The following ARPC5 variants were observed in gnomAD, a reference collection of about 807,000 sequenced individuals.
ARPC5 encodes actin related protein 2/3 complex subunit 5, also known as actin-related protein 2/3 complex subunit 5.
Under a neutral mutation model 15.4 loss-of-function variants are expected in ARPC5, and 5 were observed. The observed-to-expected ratio is 0.32, with a 90% CI of 0.17 to 0.68. The LOEUF (loss-of-function observed/expected upper bound fraction) is 0.68. Ranked by LOEUF, ARPC5 falls within the 30% of genes least tolerant of loss-of-function variation. ARPC5 has a pLI of 0.71. For missense variants in ARPC5, 138 were observed against 192.8 expected, an observed-to-expected ratio of 0.72 and a Z score of 1.68; for synonymous variants, 85 against 72.2, an observed-to-expected ratio of 1.18 and a Z score of -0.90.
chr1:183,623,085 T>G lies in ARPC5; in HGVS notation c.*4447A>C, dbSNP rs1322589977. The G allele has an allele frequency of 2.1e-5, 5 of 236,922 alleles. No homozygotes were observed. Among genetic ancestry groups the G allele is most frequent in the African/African-American group, 1.1e-4 (5 of 44,464 alleles). 14.7% of individuals were successfully genotyped at this position (236,922 alleles called of 1,614,324 possible). ...AGCTACTATGACTTCAGGGGGCCCA[T>G]ACAGTCTAGCAGCAAGGTCAAGAGG... On this transcript the variant is annotated 3_prime_UTR_variant, in exon 4 of 4. Coordinates refer to ENST00000359856, the MANE Select transcript of ARPC5 (RefSeq NM_005717.4).
Position 183,624,459 on chromosome 1 carries a change from C to T in ARPC5, c.*3073G>A, listed in dbSNP as rs759614832. On this transcript the variant is annotated 3_prime_UTR_variant, in exon 4 of 4. Coordinates refer to ENST00000359856, the MANE Select transcript of ARPC5 (RefSeq NM_005717.4). ...CCAGGAGGCAGAGCTTGCAGTGAGCCGAGATCGCGCCACTGCACTCCCGCC... is the reference window on the plus strand; with the variant it reads ...CCAGGAGGCAGAGCTTGCAGTGAGCTGAGATCGCGCCACTGCACTCCCGCC... 1 of 151,958 alleles carries T rather than the reference C, an allele frequency of 6.6e-6. No homozygotes were observed. Among genetic ancestry groups the T allele is most frequent in the South Asian group, 2.1e-4 (1 of 4,808 alleles). The allele number at this position is 151,958 out of a possible 1,614,324, so 9.4% of individuals were successfully genotyped here.
chr1:183,627,722 A>T, intron 3 of ARPC5, 128 bp from the exon 4 acceptor site: 1 of 755,434 alleles, frequency 1.3e-6, no homozygotes, highest in Non-Finnish European at 2.3e-6. Context: ...TTAACAAATA[A>T]TAAATTCTTG....
At position 183,627,295 on chromosome 1, in the gene ARPC5, C is replaced by T. The variant is rs959542106; in HGVS notation, c.*237G>A. On this transcript the variant is annotated 3_prime_UTR_variant, in exon 4 of 4. Coordinates refer to ENST00000359856, the MANE Select transcript of ARPC5 (RefSeq NM_005717.4). Reference sequence around the variant, plus strand: ...TATATACAGATTGGTATAAACATCACTGAAATGGTTTTGAAAGGATGAAAC... The same window carrying T: ...TATATACAGATTGGTATAAACATCATTGAAATGGTTTTGAAAGGATGAAAC... 7.3e-6 allele frequency: 4 copies of T among 547,700 alleles called. No individual in the cohort carries two copies. The highest frequency in any genetic ancestry group is 1.3e-5 in the Non-Finnish European group (4 of 299,444). The allele number at this position is 547,700 out of a possible 1,614,324, so 33.9% of individuals were successfully genotyped here. A position where few individuals can be genotyped will look rare whatever the true frequency, so the allele number is the denominator to read the frequency against.
At chr1:183,633,028 T>C in intron 2 of ARPC5, 54 bp downstream of exon 2, 1 of 1,361,100 alleles carries the variant, frequency 7.3e-7, no homozygotes, top group South Asian at 1.3e-5. Flanking sequence ...TGCAGAGGAT[T>C]TTACTAAGAA....
At position 183,627,591 on chromosome 1, in the gene ARPC5, G is replaced by A. The variant is rs1304610756; in HGVS notation, c.397C>T (p.Leu133Phe). The change falls in exon 4 of 4, where the codon CTT becomes TTT. Residue 133 changes from leucine (L) to phenylalanine (F), a missense_variant. Around this residue, in one of 3 missense-constraint regions of ARPC5, gnomAD observed 121 missense variants for 153.7 expected, o/e 0.79. Transcript: ENST00000359856. ...ATGGACCCTACTCCTCCAGCAGCAA[G>A]TGCCTAAAAACAAACCAAGATGTAA... is the stretch of plus-strand genomic sequence containing the variant. ...AMLLQWHEKA[L>F]AAGGVGSIVR... 2 of 1,613,548 alleles carry A rather than the reference G, an allele frequency of 1.2e-6. No homozygotes were observed. Among genetic ancestry groups the A allele is most frequent in the Admixed American group, 3.3e-5 (2 of 60,018 alleles).
At chr1:183,632,985 CA>C in intron 2 of ARPC5, 96 bp downstream of exon 2, 2 of 948,728 alleles carry the variant, frequency 2.1e-6, no homozygotes, top group Non-Finnish European at 3.2e-6. Flanking sequence ...TCAAAGATAG[CA>C]AACAGTTAAA....
chr1:183,633,176 AC>A, intron 1 of ARPC5, 22 bp from the exon 2 acceptor site: 1 of 1,566,928 alleles, frequency 6.4e-7, no homozygotes, highest in Middle Eastern at 1.7e-4. Context: ...TAAGGGTGTA[AC>A]AGCAAAGGAT....
rs543319391 is a variant in ARPC5 at position 183,635,763 on chromosome 1, C to G, written c.-104G>C. ...CGGCGCCTGATTCACTTCCCTCTTCCGCTCTGAGGCGTCGCCGACTGCCGC... is the reference window on the plus strand; with the variant it reads ...CGGCGCCTGATTCACTTCCCTCTTCGGCTCTGAGGCGTCGCCGACTGCCGC... On this transcript the variant is annotated 5_prime_UTR_variant, in exon 1 of 4. Coordinates refer to ENST00000359856, the MANE Select transcript of ARPC5 (RefSeq NM_005717.4). 1.4e-5 allele frequency: 20 copies of G among 1,460,492 alleles called. No homozygotes were observed. Among genetic ancestry groups the G allele is most frequent in the Admixed American group, 2.2e-5 (1 of 45,994 alleles). 90.5% of individuals were successfully genotyped at this position (1,460,492 alleles called of 1,614,324 possible). A position where few individuals can be genotyped will look rare whatever the true frequency, so the allele number is the denominator to read the frequency against.
At position 183,625,394 on chromosome 1, in the gene ARPC5, A is replaced by T. The variant is rs1649067656; in HGVS notation, c.*2138T>A. ...TGATAGACTGGCAGATTCTAAATACACCCACCCATTCTTGTGAACAAATAT... is the reference window on the plus strand; with the variant it reads ...TGATAGACTGGCAGATTCTAAATACTCCCACCCATTCTTGTGAACAAATAT... On this transcript the variant is annotated 3_prime_UTR_variant, in exon 4 of 4. Transcript: ENST00000359856. 1 of 152,224 alleles carries T rather than the reference A, an allele frequency of 6.6e-6. No homozygotes were observed. Among genetic ancestry groups the T allele is most frequent in the Admixed American group, 6.5e-5 (1 of 15,288 alleles). 9.4% of individuals were successfully genotyped at this position (152,224 alleles called of 1,614,324 possible).
Position 183,626,852 on chromosome 1 carries a change from C to A in ARPC5, c.*680G>T, listed in dbSNP as rs1220515290. 1 of 152,210 alleles carries A rather than the reference C, an allele frequency of 6.6e-6. No individual in the cohort carries two copies. The highest frequency in any genetic ancestry group is 1.9e-4 in the East Asian group (1 of 5,202). 9.4% of individuals were successfully genotyped at this position (152,210 alleles called of 1,614,324 possible). The stretch of plus-strand genomic sequence containing the variant: ...AACAAGCTCTGATATTTTATGGATA[C>A]ATTTGTATAAAGCAAGACTTCTTGC... On this transcript the variant is annotated 3_prime_UTR_variant, in exon 4 of 4. Transcript: ENST00000359856.
rs983965974 is a variant in ARPC5, at chr1:183,625,505, T to C, written c.*2027A>G. ...AAAAAGCATTCAGTATCATTTGATT[T>C]TAAAGTTTGTAATTGGTTATGCTAT... On this transcript the variant is annotated 3_prime_UTR_variant, in exon 4 of 4. Transcript: ENST00000359856. The C allele has an allele frequency of 2.0e-5, 3 of 152,198 alleles. No homozygotes were observed. Among genetic ancestry groups the C allele is most frequent in the African/African-American group, 7.2e-5 (3 of 41,448 alleles). The allele number at this position is 152,198 out of a possible 1,614,324, so 9.4% of individuals were successfully genotyped here. A position where few individuals can be genotyped will look rare whatever the true frequency, so the allele number is the denominator to read the frequency against.
intron 2 of ARPC5, 65 bp downstream of exon 2, chr1:183,633,017 C>G: frequency 8.1e-7 from 1 of 1,230,142 alleles, no homozygotes; most frequent in Non-Finnish European, 1.1e-6. Flanking sequence ...TTTTTTGCAA[C>G]TGCAGAGGAT....
At position 183,635,685 on chromosome 1, in the gene ARPC5, CTCT is replaced by C; in HGVS notation, c.-29_-27del. 1 of 1,604,596 alleles carries C rather than the reference CTCT, an allele frequency of 6.2e-7. No individual in the cohort carries two copies. The highest frequency in any genetic ancestry group is 1.3e-5 in the African/African-American group (1 of 74,766). On this transcript the variant is annotated 5_prime_UTR_variant, in exon 1 of 4. Coordinates refer to ENST00000359856, the MANE Select transcript of ARPC5 (RefSeq NM_005717.4). ...CCCAATCCCGACCAGCGGCAAAGGC[CTCT>C]TCTTGGCGCTGCCTCTACCTCAGCA...
chr1:183,627,546 T>C lies in ARPC5; in HGVS notation c.442A>G (p.Arg148Gly), dbSNP rs1177530813. ...VGSIVRVLTA[R>G]KTV ...TTCCTGCCAGACTACACAGTTTTTCTTGCAGTCAAGACACGAACAATGGAC... is the reference window on the plus strand; with the variant it reads ...TTCCTGCCAGACTACACAGTTTTTCCTGCAGTCAAGACACGAACAATGGAC... Residue 148 changes from arginine (R) to glycine (G), a missense_variant, in exon 4 of 4, where the codon AGA becomes GGA. Physicochemically the swap from Arg to Gly is moderately radical, Grantham distance 125 (BLOSUM62 -2). Coordinates refer to ENST00000359856, the MANE Select transcript of ARPC5 (RefSeq NM_005717.4). 1 of 1,613,988 alleles carries C rather than the reference T, an allele frequency of 6.2e-7. No homozygotes were observed. Among genetic ancestry groups the C allele is most frequent in the Non-Finnish European group, 8.5e-7 (1 of 1,179,980 alleles).
chr1:183,629,469 G>T (rs993049019), intron 3 of ARPC5, among the ~76,000 whole-genome samples: 1 of 151,678 alleles, frequency 6.6e-6, no homozygotes, highest in Non-Finnish European at 1.5e-5. Flanking sequence ...AGTAAAAGGG[G>T]GAACTATTGT....
chr1:183,623,061 G>T lies in ARPC5; in HGVS notation c.*4471C>A. On this transcript the variant is annotated 3_prime_UTR_variant, in exon 4 of 4. Coordinates refer to ENST00000359856, the MANE Select transcript of ARPC5 (RefSeq NM_005717.4). Reference sequence around the variant, plus strand: ...TGAATGTGGGGATGAGTAAGAGCCAGCTACTATGACTTCAGGGGGCCCATA... The same window carrying T: ...TGAATGTGGGGATGAGTAAGAGCCATCTACTATGACTTCAGGGGGCCCATA... 1 of 195,498 alleles carries T rather than the reference G, an allele frequency of 5.1e-6. No homozygotes were observed. 12.1% of individuals were successfully genotyped at this position (195,498 alleles called of 1,614,324 possible).
In ARPC5 at chr1:183,625,017, T is replaced by C. The variant is rs931274646; in HGVS notation, c.*2515A>G. 6.6e-6 allele frequency: 1 copy of C among 152,230 alleles called. No homozygotes were observed. The highest frequency in any genetic ancestry group is 2.4e-5 in the African/African-American group (1 of 41,458). 9.4% of individuals were successfully genotyped at this position (152,230 alleles called of 1,614,324 possible). Reference sequence around the variant, plus strand: ...TCAAGTATGACTGTTACCGAAATGGTGCTGTTACCCAATGACCAAGAAGGG... The same window carrying C: ...TCAAGTATGACTGTTACCGAAATGGCGCTGTTACCCAATGACCAAGAAGGG... On this transcript the variant is annotated 3_prime_UTR_variant, in exon 4 of 4. Transcript: ENST00000359856.
In ARPC5 at chr1:183,635,640, G is replaced by C. The variant is rs1649468422; in HGVS notation, c.20C>G (p.Ser7Trp). 3 of 1,612,930 alleles carry C rather than the reference G, an allele frequency of 1.9e-6. No individual in the cohort carries two copies. The highest frequency in any genetic ancestry group is 1.3e-5 in the African/African-American group (1 of 74,876). The change falls in exon 1 of 4, where the codon TCG becomes TGG. Residue 7 changes from serine (S) to tryptophan (W), a missense_variant. Ser to Trp is a radical substitution (Grantham distance 177). Coordinates refer to ENST00000359856, the MANE Select transcript of ARPC5 (RefSeq NM_005717.4). The part of the protein sequence containing the change: MSKNTV[S>W]SARFRKVDVD... The stretch of plus-strand genomic sequence containing the variant: ...GTCCACCTTCCGGAAGCGGGCCGAC[G>C]ACACTGTGTTCTTCGACATCCCAAT...
rs1648995654 is a variant in ARPC5, at chr1:183,623,534, G to A, written c.*3998C>T. 3.9e-6 allele frequency: 6 copies of A among 1,549,600 alleles called. No homozygotes were observed. The highest frequency in any genetic ancestry group is 2.4e-5 in the East Asian group (1 of 40,920). On this transcript the variant is annotated 3_prime_UTR_variant, in exon 4 of 4. Coordinates refer to ENST00000359856, the MANE Select transcript of ARPC5 (RefSeq NM_005717.4). ...TGTACTAGTGACATTGGGGTGAGGG[G>A]GAGAGGGAGTGGGGCAGAGGTCCCG... is the stretch of plus-strand genomic sequence containing the variant.
Sources: gnomAD v4.1 joint callset for allele counts (sites outside exome capture counted in the v4.1 genomes callset) on GRCh38, gnomAD v4.1.1 for gene constraint, gnomAD v4.1.1 regional missense constraint, MANE v1.5 for transcripts, NCBI Gene and HGNC (gene_info 2026-07-23, HGNC 2026-07-21) for gene names.